The following PLCH1 variants were observed in gnomAD, a reference collection of about 807,000 sequenced individuals.
PLCH1 encodes the protein 1-phosphatidylinositol 4,5-bisphosphate phosphodiesterase eta-1.
A neutral mutation model predicts 126.7 loss-of-function variants in PLCH1; 60 were observed. The observed-to-expected ratio is 0.47, with a 90% CI of 0.38 to 0.59. The LOEUF (loss-of-function observed/expected upper bound fraction) is 0.59, where lower values mean the gene tolerates loss of function less well. PLCH1 is among the 20% of genes least tolerant of loss of function. The pLI is 0.00. For synonymous variants in PLCH1, 719 were observed against 734.9 expected (o/e 0.98, Z 0.35); for missense variants, 1,723 against 2,040.0 (o/e 0.84, Z 2.99).
At chr3:155,635,206 A>G (rs1738576987) in intron 2 of PLCH1, among the ~76,000 whole-genome samples, 1 of 151,868 alleles carries the variant, frequency 6.6e-6, no homozygotes. Flanking sequence ...GACCTCATTC[A>G]GCCCCCATCT....
intron 2 of PLCH1, among the ~76,000 whole-genome samples, chr3:155,656,009 G>C (rs1030045807): frequency 1.3e-5 from 2 of 152,034 alleles, no homozygotes; most frequent in African/African-American, 2.4e-5. Flanking sequence ...CATTGAAACA[G>C]CAGATACGTT....
intron 10 of PLCH1, among the ~76,000 whole-genome samples, chr3:155,548,049 A>C (rs958203443): frequency 6.6e-6 from 1 of 152,174 alleles, no homozygotes; most frequent in African/African-American, 2.4e-5. Flanking sequence ...TAATAATAAA[A>C]TAAAAATAAA....
intron 2 of PLCH1, among the ~76,000 whole-genome samples, chr3:155,660,358 C>T (rs1046415746): frequency 1.1e-4 from 17 of 152,230 alleles, no homozygotes; most frequent in African/African-American, 3.9e-4. Flanking sequence ...ATACTGCATA[C>T]ACTGAAGGCA....
At chr3:155,533,894 T>A (rs947745726) in intron 10 of PLCH1, among the ~76,000 whole-genome samples, 2 of 152,220 alleles carry the variant, frequency 1.3e-5, no homozygotes, top group African/African-American at 4.8e-5. Context: ...CACATGGTGT[T>A]GAGCCTGCAG....
In PLCH1 at chr3:155,565,028, T is replaced by C; in HGVS notation, c.956A>G (p.Asn319Ser). ...ATTGTGAGAGGAAGCAATGTAGTAGTTGCAGAGGGGCTGATCCATGTCTTG... is the reference window on the plus strand; with the variant it reads ...ATTGTGAGAGGAAGCAATGTAGTAGCTGCAGAGGGGCTGATCCATGTCTTG... ...VYQDMDQPLC[N>S]YYIASSHNTY... Residue 319 changes from asparagine (N) to serine (S), a missense_variant, in exon 8 of 23, where the codon AAC (asparagine) becomes AGC (serine). Physicochemically the swap from Asn to Ser is conservative, Grantham distance 46. Coordinates refer to ENST00000460012, the MANE Select transcript of PLCH1 (RefSeq NM_014996.4). The C allele has an allele frequency of 1.2e-6, 2 of 1,613,080 alleles. No individual in the cohort carries two copies. Among genetic ancestry groups the C allele is most frequent in the Non-Finnish European group, 1.7e-6 (2 of 1,179,066 alleles).
At chr3:155,553,216 G>A (rs1389230563) in intron 9 of PLCH1, among the ~76,000 whole-genome samples, 1 of 152,208 alleles carries the variant, frequency 6.6e-6, no homozygotes, top group Non-Finnish European at 1.5e-5. Context: ...CTGGGTTCAA[G>A]CAAATCTCAT....
At position 155,643,529 on chromosome 3, in the gene PLCH1, G is replaced by C. The variant is rs148609412; in HGVS notation, c.80-47151C>G. ...TTAATTTTAGGGTAATTTGTTGTCA[G>C]AAATAGGTAATAAAATTGTCTGTGT... On this transcript the variant is annotated intron_variant, in intron 2 of 22. Transcript: ENST00000460012. Among the ~76,000 whole-genome samples the C allele has an allele frequency of 7.2e-4, 110 of 152,344 alleles. No individual in the cohort carries two copies. In the East Asian group the frequency reaches 0.02, roughly 28 times the overall value.
chr3:155,522,728 T>C, intron 11 of PLCH1, among the ~76,000 whole-genome samples: 1 of 124,752 alleles, frequency 8.0e-6, no homozygotes, highest in South Asian at 2.7e-4. Flanking sequence ...TTTTTTTTTT[T>C]AGAGGGTAGA....
Position 155,530,600 on chromosome 3 carries a change from T to A in PLCH1, c.1363-6596A>T, listed in dbSNP as rs567441096. Among the ~76,000 whole-genome samples, 15 of 152,304 alleles carry A rather than the reference T, an allele frequency of 9.8e-5. No individual in the cohort carries two copies. The South Asian group carries it at 2.1e-3, about 21-fold the overall frequency. ...CCACAGGCTCCACTTCTAGTTCTCT[T>A]GTTATTTCTAACACATCTACAGTGA... On this transcript the variant is annotated intron_variant, in intron 10 of 22. Transcript: ENST00000460012.
chr3:155,561,124 T>A (rs543513529), intron 8 of PLCH1, among the ~76,000 whole-genome samples: 251 of 148,108 alleles, frequency 1.7e-3, no homozygotes, highest in Non-Finnish European at 3.0e-3. Context: ...CTTTTTTTTT[T>A]AATTATTATT....
chr3:155,597,949 C>T (rs571325629), intron 2 of PLCH1, among the ~76,000 whole-genome samples: 49 of 152,112 alleles, frequency 3.2e-4, no homozygotes, highest in African/African-American at 1.1e-3. Flanking sequence ...TTTGGGAGGC[C>T]GAGGCGGGTG....
intron 2 of PLCH1, among the ~76,000 whole-genome samples, chr3:155,637,363 G>T (rs1519533): frequency 1.3e-5 from 2 of 152,030 alleles, no homozygotes; most frequent in African/African-American, 4.8e-5. Context: ...AAAGGAATTC[G>T]AAAGTTCTAT....
intron 8 of PLCH1, among the ~76,000 whole-genome samples, chr3:155,560,293 G>A (rs886236850): frequency 5.3e-5 from 8 of 152,170 alleles, no homozygotes; most frequent in African/African-American, 1.7e-4. Flanking sequence ...CTCTATGCAT[G>A]CCAGACATGA....
At chr3:155,654,018 T>C (rs993622628) in intron 2 of PLCH1, among the ~76,000 whole-genome samples, 2 of 150,650 alleles carry the variant, frequency 1.3e-5, no homozygotes, top group African/African-American at 4.9e-5. Flanking sequence ...AACCAGGCTT[T>C]TGTCTCCACC....
chr3:155,578,200 A>C (rs753532766), intron 6 of PLCH1, among the ~76,000 whole-genome samples: 1 of 152,232 alleles, frequency 6.6e-6, no homozygotes, highest in Non-Finnish European at 1.5e-5. Context: ...CTAAGGGAAA[A>C]TATAGACATT....
At chr3:155,659,892 C>A (rs1741931055) in intron 2 of PLCH1, among the ~76,000 whole-genome samples, 2 of 152,116 alleles carry the variant, frequency 1.3e-5, no homozygotes, top group South Asian at 2.1e-4. Context: ...CTTCAGCCTC[C>A]AAAAGCATTG....
chr3:155,524,050 C>A, intron 10 of PLCH1, 46 bp from the exon 11 acceptor site: 2 of 1,157,224 alleles, frequency 1.7e-6, no homozygotes, highest in South Asian at 1.3e-5. Context: ...AATAAATTCA[C>A]AATAGCCAAA....
chr3:155,665,960 A>T (rs997647469), intron 2 of PLCH1, among the ~76,000 whole-genome samples: 1 of 152,242 alleles, frequency 6.6e-6, no homozygotes, highest in Non-Finnish European at 1.5e-5. Flanking sequence ...GACTATAACT[A>T]TCAGCATCTT....
At chr3:155,722,108 G>A (rs552768228) in intron 1 of PLCH1, among the ~76,000 whole-genome samples, 2 of 152,044 alleles carry the variant, frequency 1.3e-5, no homozygotes, top group Non-Finnish European at 2.9e-5. Flanking sequence ...TGAGGAGGAA[G>A]GCTTTTGATT....
Sources: allele counts gnomAD v4.1 joint callset (sites outside exome capture counted in the v4.1 genomes callset), GRCh38; gene constraint gnomAD v4.1.1; transcripts MANE v1.5; gene names NCBI Gene and HGNC (gene_info 2026-07-23, HGNC 2026-07-21).